Variants in NTRK2 observed in about 807,000 individuals in gnomAD.
NTRK2 encodes the protein neurotrophic receptor tyrosine kinase 2, also known as BDNF/NT-3 growth factors receptor.
In NTRK2, 13 loss-of-function variants were observed where a neutral mutation model predicts 94.5. The ratio of observed to expected loss-of-function variants is 0.14; its 90% CI spans 0.09 to 0.22. The LOEUF (loss-of-function observed/expected upper bound fraction) is 0.22, where lower values mean the gene tolerates loss of function less well. Ranked by LOEUF, NTRK2 falls within the 10% of genes least tolerant of loss-of-function variation. The pLI, the probability that NTRK2 is intolerant of heterozygous loss-of-function variation, is 1.00. For synonymous variants in NTRK2, 372 were observed against 407.4 expected (o/e 0.91, Z 1.05); for missense variants, 639 against 1,071.2 (o/e 0.60, Z 5.63).
intron 14 of NTRK2, among the ~76,000 whole-genome samples, chr9:84,916,454 C>G (rs2077395925): frequency 6.6e-6 from 1 of 152,174 alleles, no homozygotes; most frequent in Admixed American, 6.5e-5. Flanking sequence ...GTACTGTTTC[C>G]CACTAGACCC....
chr9:84,940,126 G>T (rs1412137893), intron 15 of NTRK2, among the ~76,000 whole-genome samples: 1 of 152,048 alleles, frequency 6.6e-6, no homozygotes, highest in African/African-American at 2.4e-5. Context: ...TGAAAGTTGG[G>T]GTCCACTCTA....
intron 17 of NTRK2, among the ~76,000 whole-genome samples, chr9:84,968,909 G>C (rs1207739001): frequency 6.6e-6 from 1 of 151,150 alleles, no homozygotes; most frequent in Non-Finnish European, 1.5e-5. Flanking sequence ...TGAATCCAAA[G>C]ATGGGTTCCA....
intron 12 of NTRK2, among the ~76,000 whole-genome samples, chr9:84,800,314 C>T (rs1023148546): frequency 5.3e-5 from 8 of 152,212 alleles, no homozygotes; most frequent in African/African-American, 1.4e-4. Flanking sequence ...GTGATTCTTC[C>T]GGCCTCAGTC....
At chr9:84,724,385 A>G (rs199808177) in intron 8 of NTRK2, 29 bp downstream of exon 8, 21 of 1,613,936 alleles carry the variant, frequency 1.3e-5, no homozygotes, top group Non-Finnish European at 1.7e-5. Context: ...ATGTGTTTTT[A>G]ATAGCAAATG....
chr9:84,919,739 T>A (rs1056942469), intron 14 of NTRK2, among the ~76,000 whole-genome samples: 2 of 152,218 alleles, frequency 1.3e-5, no homozygotes, highest in Non-Finnish European at 2.9e-5. Context: ...CATTGTGTAA[T>A]CTTGAGGGCC....
At chr9:84,863,578 G>A (rs1483814233) in intron 13 of NTRK2, among the ~76,000 whole-genome samples, 1 of 152,168 alleles carries the variant, frequency 6.6e-6, no homozygotes, top group Non-Finnish European at 1.5e-5. Flanking sequence ...GATATGCACA[G>A]ACAGGCTGCT....
intron 12 of NTRK2, 99 bp from the exon 13 acceptor site, chr9:84,860,941 G>T (rs976433467): frequency 5.4e-5 from 32 of 587,752 alleles, no homozygotes; most frequent in Non-Finnish European, 8.7e-5. Context: ...ATTTTTGTCG[G>T]GGGGAGTTTG....
At chr9:84,843,834 C>T (rs1019606942) in intron 12 of NTRK2, among the ~76,000 whole-genome samples, 3 of 152,156 alleles carry the variant, frequency 2.0e-5, no homozygotes, top group Admixed American at 6.5e-5. Flanking sequence ...TCAAGATCTG[C>T]AAACAGTTTT....
intron 12 of NTRK2, among the ~76,000 whole-genome samples, chr9:84,755,525 CTTTTTTTTTTTTTTTTTTT>C (rs745611460): frequency 3.3e-5 from 2 of 60,644 alleles, no homozygotes; most frequent in African/African-American, 7.0e-5. Flanking sequence ...AGTCCCACCT[CTTTTTTTTTTTTTTTTTTT>C]TTTTTTTTTG....
chr9:84,986,878 C>T (rs368361635), intron 17 of NTRK2, among the ~76,000 whole-genome samples: 20 of 152,202 alleles, frequency 1.3e-4, no homozygotes, highest in African/African-American at 4.1e-4. Flanking sequence ...CCACTCAAGA[C>T]GTTCTAACAT....
chr9:84,830,538 C>CGTGTGTGT (rs60042932), intron 12 of NTRK2, among the ~76,000 whole-genome samples: 3 of 145,920 alleles, frequency 2.1e-5, no homozygotes, highest in Non-Finnish European at 3.0e-5. Context: ...AGCATGCATG[C>CGTGTGTGT]GTGTGTGTGT....
At chr9:84,904,814 CTGGGAAGCAA>C (rs2077026487) in intron 14 of NTRK2, among the ~76,000 whole-genome samples, 1 of 152,290 alleles carries the variant, frequency 6.6e-6, no homozygotes, top group South Asian at 2.1e-4. Flanking sequence ...ATGAAAAATA[CTGGGAAGCAA>C]TGCTGTTATA....
intron 14 of NTRK2, chr9:84,875,789 C>G: frequency 9.5e-7 from 1 of 1,049,572 alleles, no homozygotes; most frequent in Non-Finnish European, 1.2e-6. Flanking sequence ...CCTGATGTCT[C>G]AGGCCTCTAG....
chr9:84,977,270 C>T (rs1341083534), intron 17 of NTRK2, among the ~76,000 whole-genome samples: 1 of 152,170 alleles, frequency 6.6e-6, no homozygotes, highest in Non-Finnish European at 1.5e-5. Flanking sequence ...GTATCTAATA[C>T]ACATATTTTC....
intron 5 of NTRK2, among the ~76,000 whole-genome samples, chr9:84,709,961 CTGTGTGTGTG>C (rs35954183): frequency 2.2e-4 from 25 of 115,270 alleles, no homozygotes; most frequent in South Asian, 2.9e-4. Flanking sequence ...ATAGCTTGCT[CTGTGTGTGTG>C]TGTGTGTGTG....
intron 17 of NTRK2, among the ~76,000 whole-genome samples, chr9:84,996,787 A>G (rs1829801878): frequency 6.6e-6 from 1 of 152,238 alleles, no homozygotes; most frequent in African/African-American, 2.4e-5. Context: ...GAGATATAGA[A>G]AGAGGTAGAG....
At chr9:84,816,395 G>C (rs979099921) in intron 12 of NTRK2, among the ~76,000 whole-genome samples, 1 of 151,880 alleles carries the variant, frequency 6.6e-6, no homozygotes, top group South Asian at 2.1e-4. Context: ...ACACCCAAAG[G>C]GTTTTGCTCT....
At chr9:84,803,396 G>T (rs543037015) in intron 12 of NTRK2, among the ~76,000 whole-genome samples, 5 of 152,304 alleles carry the variant, frequency 3.3e-5, no homozygotes, top group African/African-American at 1.2e-4. Flanking sequence ...TCCCCATCAG[G>T]GGTCACACAT....
chr9:84,854,663 A>C (rs2074969209), intron 12 of NTRK2, among the ~76,000 whole-genome samples: 1 of 152,010 alleles, frequency 6.6e-6, no homozygotes. Flanking sequence ...AAAGAGCCTG[A>C]GGGCCGGGCG....
Sources: allele counts gnomAD v4.1 joint callset (sites outside exome capture counted in the v4.1 genomes callset), GRCh38; gene constraint gnomAD v4.1.1; transcripts MANE v1.5; gene names NCBI Gene and HGNC (gene_info 2026-07-23, HGNC 2026-07-21).